Variants in LRP1B observed in about 807,000 individuals in gnomAD.
LRP1B encodes LDL receptor related protein 1B.
LRP1B carries 217 observed loss-of-function variants against 556.6 expected under a neutral mutation model. The ratio of observed to expected loss-of-function variants is 0.39; its 90% CI spans 0.35 to 0.44. The LOEUF is 0.44. Ranked by LOEUF, LRP1B falls within the 20% of genes least tolerant of loss-of-function variation. The pLI, the probability that LRP1B is intolerant of heterozygous loss-of-function variation, is 1.00. For synonymous variants in LRP1B, 2,047 were observed against 1,865.8 expected (o/e 1.10, Z -2.50); for missense variants, 5,053 against 5,620.8 (o/e 0.90, Z 3.23).
At chr2:140,301,532 G>C (rs1225559977) in intron 83 of LRP1B, among the ~76,000 whole-genome samples, 1 of 152,074 alleles carries the variant, frequency 6.6e-6, no homozygotes, top group East Asian at 1.9e-4. Flanking sequence ...ATGTGTGACA[G>C]AGTAAAATAT....
intron 31 of LRP1B, among the ~76,000 whole-genome samples, chr2:140,828,342 G>A (rs2105069005): frequency 6.6e-6 from 1 of 151,974 alleles, no homozygotes; most frequent in South Asian, 2.1e-4. Context: ...GGGCGCGGTG[G>A]CTCACGCCTG....
At chr2:140,681,638 A>G (rs1685862840) in intron 41 of LRP1B, among the ~76,000 whole-genome samples, 1 of 152,140 alleles carries the variant, frequency 6.6e-6, no homozygotes, top group South Asian at 2.1e-4. Context: ...AATTTAACGA[A>G]AAAAAGACTA....
At position 140,996,532 on chromosome 2, in the gene LRP1B, T is replaced by C. The variant is rs375537723; in HGVS notation, c.2504-2397A>G. ...AGGAGCTTCTTGAATGTAGAAAGAATAATTTCACATACAGAAAGGAACAAT... is the reference window on the plus strand; with the variant it reads ...AGGAGCTTCTTGAATGTAGAAAGAACAATTTCACATACAGAAAGGAACAAT... On this transcript the variant is annotated intron_variant, in intron 15 of 90. Coordinates refer to ENST00000389484, the MANE Select transcript of LRP1B (RefSeq NM_018557.3). Among the ~76,000 whole-genome samples, 4 of 152,154 alleles carry C rather than the reference T, an allele frequency of 2.6e-5. No homozygotes were observed. In the East Asian group the frequency reaches 5.8e-4, roughly 22 times the overall value.
At chr2:140,531,454 C>T (rs929909591) in intron 47 of LRP1B, among the ~76,000 whole-genome samples, 2 of 152,094 alleles carry the variant, frequency 1.3e-5, no homozygotes, top group Non-Finnish European at 2.9e-5. Context: ...GTAATTAGCT[C>T]TTCCTAAACT....
chr2:140,982,741 C>G (rs113955177), intron 17 of LRP1B, among the ~76,000 whole-genome samples: 3,488 of 152,102 alleles, frequency 0.023, 67 homozygotes, highest in South Asian at 0.034. Flanking sequence ...ATCATGGGGT[C>G]GAATTGTCCT....
rs559664953 is a variant in LRP1B, at chr2:142,019,716, C to T, written c.82+110932G>A. 2.6e-5 allele frequency among the ~76,000 whole-genome samples: 4 copies of T among 152,280 alleles called. No homozygotes were observed. The South Asian group carries it at 8.3e-4, about 32-fold the overall frequency. ...AGGGTCCTTGTATTTGCAAAGAACG[C>T]TTTCCAACATCTGACCCAGGATGAC... On this transcript the variant is annotated intron_variant, in intron 1 of 90. Transcript: ENST00000389484.
intron 15 of LRP1B, among the ~76,000 whole-genome samples, chr2:141,004,747 G>A (rs1231415917): frequency 6.6e-6 from 1 of 152,008 alleles, no homozygotes; most frequent in Non-Finnish European, 1.5e-5. Flanking sequence ...GTGTTATTGT[G>A]CTGAAGGGGC....
In LRP1B at chr2:140,601,648, G is replaced by A. The variant is rs185330014; in HGVS notation, c.6800-9C>T. ...TTCCACAGAACCCACATCTAGTGGG[G>A]GAAGAAAAAGAAAAAATATATACTT... is the stretch of plus-strand genomic sequence containing the variant. On this transcript the variant is annotated splice_polypyrimidine_tract_variant and intron_variant, in intron 41 of 90. Coordinates refer to ENST00000389484, the MANE Select transcript of LRP1B (RefSeq NM_018557.3). 2.6e-5 allele frequency: 40 copies of A among 1,528,984 alleles called. No homozygotes were observed. The Admixed American group carries it at 3.8e-4, about 14-fold the overall frequency. The allele number at this position is 1,528,984 out of a possible 1,614,324, so 94.7% of individuals were successfully genotyped here. A position where few individuals can be genotyped will look rare whatever the true frequency, so the allele number is the denominator to read the frequency against.
At chr2:141,483,001 T>G (rs950383086) in intron 2 of LRP1B, among the ~76,000 whole-genome samples, 1 of 152,160 alleles carries the variant, frequency 6.6e-6, no homozygotes, top group Non-Finnish European at 1.5e-5. Flanking sequence ...TTAGGGTACG[T>G]GTGCACAACG....
chr2:141,903,908 T>C (rs1387824314), intron 1 of LRP1B, among the ~76,000 whole-genome samples: 1 of 151,864 alleles, frequency 6.6e-6, no homozygotes. Context: ...AGTTTCATCA[T>C]GGAAGATGAA....
chr2:141,963,094 A>G (rs1020051477), intron 1 of LRP1B, among the ~76,000 whole-genome samples: 1 of 151,854 alleles, frequency 6.6e-6, no homozygotes, highest in Non-Finnish European at 1.5e-5. Flanking sequence ...AAAATCAATT[A>G]TAGGCCAAAA....
At chr2:140,325,035 A>G (rs1680396649) in intron 80 of LRP1B, among the ~76,000 whole-genome samples, 2 of 152,162 alleles carry the variant, frequency 1.3e-5, no homozygotes, top group Admixed American at 6.6e-5. Context: ...ACATGCAAAT[A>G]TAAAAATTTA....
At chr2:140,563,621 C>A (rs1681018186) in intron 43 of LRP1B, among the ~76,000 whole-genome samples, 1 of 152,076 alleles carries the variant, frequency 6.6e-6, no homozygotes, top group Non-Finnish European at 1.5e-5. Context: ...GTACTTTTAT[C>A]AAAGCAATTT....
chr2:141,165,082 C>T (rs908195638), intron 7 of LRP1B, among the ~76,000 whole-genome samples: 2 of 151,918 alleles, frequency 1.3e-5, no homozygotes, highest in South Asian at 2.1e-4. Flanking sequence ...AGATAGCTCT[C>T]GTTTAAAACA....
chr2:140,462,521 TA>T (rs1169028849), intron 60 of LRP1B, among the ~76,000 whole-genome samples: 1 of 152,224 alleles, frequency 6.6e-6, no homozygotes, highest in Non-Finnish European at 1.5e-5. Flanking sequence ...CAGCCACTGC[TA>T]AATCATTATA....
intron 17 of LRP1B, among the ~76,000 whole-genome samples, chr2:140,986,725 T>G (rs1696938059): frequency 6.6e-6 from 1 of 152,192 alleles, no homozygotes; most frequent in Non-Finnish European, 1.5e-5. Context: ...TGCTTATACT[T>G]CTTTCTCCCA....
At chr2:141,257,259 C>T (rs1466747019) in intron 3 of LRP1B, among the ~76,000 whole-genome samples, 2 of 152,038 alleles carry the variant, frequency 1.3e-5, no homozygotes, top group African/African-American at 4.8e-5. Flanking sequence ...AGGTTTCTCA[C>T]AGAAAATAGA....
At chr2:140,688,182 C>T (rs1395436035) in intron 41 of LRP1B, among the ~76,000 whole-genome samples, 1 of 151,858 alleles carries the variant, frequency 6.6e-6, no homozygotes, top group Non-Finnish European at 1.5e-5. Flanking sequence ...TTTAAAGTGG[C>T]TTCATAGCAA....
intron 27 of LRP1B, among the ~76,000 whole-genome samples, chr2:140,863,494 C>T (rs1692859469): frequency 1.3e-5 from 2 of 152,148 alleles, no homozygotes; most frequent in Non-Finnish European, 2.9e-5. Context: ...TTATGTTTAA[C>T]ATCATTGGAA....
Sources: gnomAD v4.1 joint callset for allele counts (sites outside exome capture counted in the v4.1 genomes callset) on GRCh38, gnomAD v4.1.1 for gene constraint, MANE v1.5 for transcripts, NCBI Gene and HGNC (gene_info 2026-07-23, HGNC 2026-07-21) for gene names.